Variants in ADRA1A observed in about 807,000 individuals in gnomAD.
ADRA1A encodes alpha-1A adrenergic receptor.
A neutral mutation model predicts 29.6 loss-of-function variants in ADRA1A; 31 were observed. The observed-to-expected ratio is 1.05, with a 90% CI of 0.79 to 1.41. The LOEUF (loss-of-function observed/expected upper bound fraction) is 1.41. ADRA1A is among the 40% of genes most tolerant of loss of function. The probability of loss-of-function intolerance (pLI) is 0.00; values close to 1 mark genes in which losing one functional copy is unlikely to be tolerated. For missense variants in ADRA1A, 619 were observed against 601.1 expected (o/e 1.03, Z -0.31); for synonymous variants, 311 against 254.3 (o/e 1.22, Z -2.12).
intron 2 of ADRA1A, among the ~76,000 whole-genome samples, chr8:26,834,212 A>G (rs1191988960): frequency 6.6e-6 from 1 of 152,238 alleles, no homozygotes; most frequent in African/African-American, 2.4e-5. Context: ...AACAATAGAG[A>G]AAGCTACAAA....
intron 2 of ADRA1A, among the ~76,000 whole-genome samples, chr8:26,802,606 T>C (rs1253441760): frequency 6.6e-6 from 1 of 152,082 alleles, no homozygotes; most frequent in Non-Finnish European, 1.5e-5. Flanking sequence ...AAAAGAGAAC[T>C]CTCATACACC....
At chr8:26,844,200 G>A (rs764488890) in intron 2 of ADRA1A, among the ~76,000 whole-genome samples, 10 of 152,144 alleles carry the variant, frequency 6.6e-5, no homozygotes, top group African/African-American at 1.9e-4. Context: ...GCAACACAAC[G>A]TGTAAAATAT....
chr8:26,864,409 G>T lies in ADRA1A; in HGVS notation c.561C>A (p.Phe187Leu). Reference sequence around the variant, plus strand: ...GCAGGTAGAAGGAGCCCAGCGCTGAGAAGAGCACGTAGCCCGGCTCCTCGT... The same window carrying T: ...GCAGGTAGAAGGAGCCCAGCGCTGATAAGAGCACGTAGCCCGGCTCCTCGT... Reference protein sequence around the residue: ...QINEEPGYVLFSALGSFYLPL... With the variant: ...QINEEPGYVLLSALGSFYLPL... Residue 187 changes from phenylalanine to leucine, a missense_variant, in exon 2 of 3, where the codon TTC becomes TTA. Coordinates refer to ENST00000380573, the MANE Select transcript of ADRA1A (RefSeq NM_000680.4). The surrounding 1 kb of genome is among the most constrained non-coding windows in gnomAD (Gnocchi z 8.1). The T allele has an allele frequency of 3.1e-6, 5 of 1,613,618 alleles. No homozygotes were observed. Among genetic ancestry groups the T allele is most frequent in the Non-Finnish European group, 3.4e-6 (4 of 1,180,026 alleles).
intron 2 of ADRA1A, chr8:26,757,076 A>G: frequency 1.4e-6 from 1 of 702,994 alleles, no homozygotes; most frequent in African/African-American, 1.7e-5. Context: ...ATTTGGGCCA[A>G]CACCAATCCG....
At chr8:26,764,474 C>G (rs1180293970), downstream of ADRA1A, among the ~76,000 whole-genome samples, 1 of 152,184 alleles carries the variant, frequency 6.6e-6, no homozygotes, top group Non-Finnish European at 1.5e-5. Flanking sequence ...GCCAATAGAG[C>G]TGGAATTATA....
chr8:26,849,726 A>G (rs1231699487), intron 2 of ADRA1A, among the ~76,000 whole-genome samples: 1 of 152,232 alleles, frequency 6.6e-6, no homozygotes, highest in Non-Finnish European at 1.5e-5. Context: ...GAAAAGCTTC[A>G]GCTATTCAAT....
chr8:26,865,108 AGCGC>A lies in ADRA1A; in HGVS notation c.-143_-140del. 6.7e-7 allele frequency: 1 copy of A among 1,484,704 alleles called. No homozygotes were observed. Among genetic ancestry groups the A allele is most frequent in the Admixed American group, 2.5e-5 (1 of 40,606 alleles). The allele number at this position is 1,484,704 out of a possible 1,614,324, so 92.0% of individuals were successfully genotyped here. ...CCAGGTGGGTTTGGCTGGGGGTGAGAGCGCGCGCGCGGGTGGGAAACAACCCTGG... is the reference window on the plus strand; with the variant it reads ...CCAGGTGGGTTTGGCTGGGGGTGAGAGCGCGCGGGTGGGAAACAACCCTGG... On this transcript the variant is annotated 5_prime_UTR_variant, in exon 2 of 3. An upstream open reading frame in the 5' UTR loses its in-frame stop. Coordinates refer to ENST00000380573, the MANE Select transcript of ADRA1A (RefSeq NM_000680.4). This position sits in a 1 kb window ranked among gnomAD's most constrained non-coding sequence, Gnocchi z 7.6.
Position 26,866,936 on chromosome 8 carries a change from C to G in ADRA1A, c.-687G>C, listed in dbSNP as rs1453507385. The stretch of plus-strand genomic sequence containing the variant: ...GGGACGCCGGCCCCGGCGCACTCAC[C>G]TGAAGCGCCGCTGCTGAGCCACCAG... On this transcript the variant is annotated splice_region_variant and 5_prime_UTR_variant, in exon 1 of 3. Coordinates refer to ENST00000380573, the MANE Select transcript of ADRA1A (RefSeq NM_000680.4). The surrounding 1 kb of genome is among the most constrained non-coding windows in gnomAD (Gnocchi z 5.7). The G allele has an allele frequency of 1.0e-6, 1 of 985,380 alleles. No homozygotes were observed. Among genetic ancestry groups the G allele is most frequent in the Non-Finnish European group, 1.2e-6 (1 of 830,026 alleles). The allele number at this position is 985,380 out of a possible 1,614,324, so 61.0% of individuals were successfully genotyped here. A position where few individuals can be genotyped will look rare whatever the true frequency, so the allele number is the denominator to read the frequency against.
intron 2 of ADRA1A, among the ~76,000 whole-genome samples, chr8:26,809,821 C>A (rs1326151035): frequency 6.6e-6 from 1 of 152,134 alleles, no homozygotes; most frequent in African/African-American, 2.4e-5. Flanking sequence ...TCTACTCACA[C>A]GAAGATAAAA....
At chr8:26,756,568 A>G in exon 3 of ADRA1A, 1 of 1,549,080 alleles carries the variant, frequency 6.5e-7, no homozygotes, top group South Asian at 1.2e-5. Context: ...TTCCTGTATC[A>G]GTAACAGTAA....
chr8:26,798,352 C>T (rs760067452), intron 2 of ADRA1A, among the ~76,000 whole-genome samples: 20 of 152,174 alleles, frequency 1.3e-4, no homozygotes, highest in Non-Finnish European at 2.8e-4. Flanking sequence ...GATTCTAAAT[C>T]TCACTCAGAA....
At chr8:26,854,632 G>A (rs1812890680) in intron 2 of ADRA1A, 1 of 152,238 alleles carries the variant, frequency 6.6e-6, no homozygotes, top group Non-Finnish European at 1.5e-5. Flanking sequence ...TGTCAAAGTT[G>A]TTCACAGGGC....
intron 2 of ADRA1A, among the ~76,000 whole-genome samples, chr8:26,785,913 C>G (rs1032660169): frequency 6.6e-6 from 1 of 152,208 alleles, no homozygotes; most frequent in African/African-American, 2.4e-5. Context: ...TTGCCCCAGT[C>G]TTTCCACGTC....
At chr8:26,750,482 A>T (rs1563224825) in intron 2 of ADRA1A, among the ~76,000 whole-genome samples, 2 of 152,298 alleles carry the variant, frequency 1.3e-5, no homozygotes, top group East Asian at 3.9e-4. Flanking sequence ...GATTACAGGC[A>T]TGAGCCACCA....
chr8:26,772,794 G>T (rs1479311277), intron 2 of ADRA1A, among the ~76,000 whole-genome samples: 1 of 151,942 alleles, frequency 6.6e-6, no homozygotes, highest in Non-Finnish European at 1.5e-5. Context: ...CAATAGTGTG[G>T]TTGTTGATGG....
At chr8:26,781,520 C>A (rs890307267) in intron 2 of ADRA1A, among the ~76,000 whole-genome samples, 10 of 152,218 alleles carry the variant, frequency 6.6e-5, no homozygotes, top group African/African-American at 2.4e-4. Flanking sequence ...AATGCAGAAA[C>A]AGAGCCTGTC....
chr8:26,839,157 ATTTTTTT>A (rs11352512), intron 2 of ADRA1A, among the ~76,000 whole-genome samples: 1 of 119,938 alleles, frequency 8.3e-6, no homozygotes, highest in Non-Finnish European at 1.8e-5. Flanking sequence ...TCTGTGAAGA[ATTTTTTT>A]TTTTTTTTTT....
At position 26,770,415 on chromosome 8, in the gene ADRA1A, C is replaced by T. The variant is rs573286753; in HGVS notation, c.1135G>A (p.Val379Met). 4.0e-5 allele frequency: 64 copies of T among 1,614,056 alleles called. No homozygotes were observed. The highest frequency in any genetic ancestry group is 8.3e-5 in the Admixed American group (5 of 60,006). ...GQHKDMVRIP[V>M]GSRETFYRIS... ...CTGTAGAAGGTCTCTCTTGATCCCA[C>T]GGGGATGCGCACCATGTCCTTGTGT... The change falls in exon 3 of 3, where the codon GTG (valine) becomes ATG (methionine). Residue 379 changes from valine (V) to methionine (M), a missense_variant. By Grantham distance (21) the Val-to-Met change is conservative. Transcript: ENST00000380573.
At chr8:26,754,977 TTTGTTG>T (rs550583851), downstream of ADRA1A, among the ~76,000 whole-genome samples, 17 of 152,234 alleles carry the variant, frequency 1.1e-4, no homozygotes, top group Middle Eastern at 0.01. Context: ...GTTTTTTCTT[TTTGTTG>T]TTGTTGTTGT....
Sources: gnomAD v4.1 joint callset for allele counts (sites outside exome capture counted in the v4.1 genomes callset) on GRCh38, gnomAD v4.1.1 for gene constraint, Gnocchi (gnomAD v3.1) non-coding constraint, MANE v1.5 for transcripts, NCBI Gene and HGNC (gene_info 2026-07-23, HGNC 2026-07-21) for gene names.